PTPRS: variants seen among roughly 807,000 people sequenced by gnomAD.
PTPRS encodes the protein receptor-type tyrosine-protein phosphatase S.
In PTPRS, 63 loss-of-function variants were observed where a neutral mutation model predicts 215.3. The ratio of observed to expected loss-of-function variants is 0.29; its 90% CI spans 0.24 to 0.36. The LOEUF (loss-of-function observed/expected upper bound fraction) is 0.36. PTPRS is among the 10% of genes least tolerant of loss of function. The pLI is 1.00. For synonymous variants in PTPRS, 1,404 were observed against 1,191.4 expected (o/e 1.18, Z -3.68); for missense variants, 2,258 against 2,825.8 (o/e 0.80, Z 4.56).
At chr19:5,230,918 A>T (rs932791201) in intron 14 of PTPRS, among the ~76,000 whole-genome samples, 1 of 152,158 alleles carries the variant, frequency 6.6e-6, no homozygotes, top group Non-Finnish European at 1.5e-5. Flanking sequence ...ACACCATGGA[A>T]ATTGGCCAAT....
intron 4 of PTPRS, among the ~76,000 whole-genome samples, chr19:5,269,049 C>T (rs1024310141): frequency 1.3e-5 from 2 of 152,170 alleles, no homozygotes; most frequent in African/African-American, 2.4e-5. Context: ...GGGCCTCACT[C>T]AATTGGTCTT....
At chr19:5,334,400 C>A (rs2159090) in intron 1 of PTPRS, among the ~76,000 whole-genome samples, 1,825 of 152,356 alleles carry the variant, frequency 0.012, 33 homozygotes, top group African/African-American at 0.042. Flanking sequence ...TGTGCTTACA[C>A]ACGTTAACTC....
chr19:5,336,812 G>T (rs917248570), intron 1 of PTPRS, among the ~76,000 whole-genome samples: 4 of 151,972 alleles, frequency 2.6e-5, no homozygotes, highest in Non-Finnish European at 5.9e-5. Context: ...CGGGTGGTGG[G>T]GGGGAGGGTC....
chr19:5,218,572 C>T, intron 24 of PTPRS, 40 bp from the exon 25 acceptor site: 3 of 1,593,676 alleles, frequency 1.9e-6, no homozygotes, highest in Non-Finnish European at 2.6e-6. Flanking sequence ...TTAGTAGTGG[C>T]ACATGTTCAT....
Position 5,222,760 on chromosome 19 carries a change from C to T in PTPRS, c.3032G>A (p.Arg1011Gln), listed in dbSNP as rs1392874652. The T allele has an allele frequency of 1.6e-5, 25 of 1,598,880 alleles. No individual in the cohort carries two copies. The highest frequency in any genetic ancestry group is 6.7e-5 in the East Asian group (3 of 44,736). The change falls in exon 18 of 38, where the codon CGA (arginine) becomes CAA (glutamine). Residue 1011 changes from arginine (R) to glutamine (Q), a missense_variant. Arg to Gln is a conservative substitution (Grantham distance 43). Coordinates refer to ENST00000262963, the MANE Select transcript of PTPRS (RefSeq NM_002850.4). ...KPDTAYDLQV[R>Q]AHTRRGPGPF... ...GCCAGGGCCCCGGCGCGTGTGGGCTCGCACTTGGAGGTCATAGGCCGTGTC... is the reference window on the plus strand; with the variant it reads ...GCCAGGGCCCCGGCGCGTGTGGGCTTGCACTTGGAGGTCATAGGCCGTGTC...
intron 14 of PTPRS, among the ~76,000 whole-genome samples, chr19:5,230,280 C>A (rs1389203111): frequency 6.6e-6 from 1 of 152,202 alleles, no homozygotes; most frequent in East Asian, 1.9e-4. Flanking sequence ...GAAAACGAAT[C>A]AGGTTCCCAG....
Position 5,216,717 on chromosome 19 carries a change from A to G in PTPRS, c.4096+3T>C, listed in dbSNP as rs759420132. On this transcript the variant is annotated splice_donor_region_variant and intron_variant, in intron 26 of 37. Transcript: ENST00000262963. The stretch of plus-strand genomic sequence containing the variant: ...GAAGCCAAAAACAGACACAAGAACT[A>G]ACTTTCAAAGTGAAACCCCGGCTCC... 3.5e-5 allele frequency: 55 copies of G among 1,563,322 alleles called. No individual in the cohort carries two copies. The highest frequency in any genetic ancestry group is 4.7e-5 in the Non-Finnish European group (54 of 1,150,126).
chr19:5,309,187 A>T (rs972866793), intron 1 of PTPRS, among the ~76,000 whole-genome samples: 9 of 152,056 alleles, frequency 5.9e-5, no homozygotes, highest in Non-Finnish European at 8.8e-5. Context: ...TGGTGAGCAG[A>T]GTGTGCAGGC....
At chr19:5,215,727 C>A (rs1034001768) in intron 26 of PTPRS, 132 bp from the exon 27 acceptor site, 8 of 682,584 alleles carry the variant, frequency 1.2e-5, no homozygotes, top group Non-Finnish European at 2.0e-5. Flanking sequence ...CGGGGTGGGG[C>A]TTGGCAGGAG....
rs538765384 is a variant in PTPRS at position 5,225,730 on chromosome 19, C to T, written c.2491G>A (p.Ala831Thr). The T allele has an allele frequency of 6.2e-7, 1 of 1,613,780 alleles. No homozygotes were observed. The highest frequency in any genetic ancestry group is 1.3e-5 in the African/African-American group (1 of 75,034). The change falls in exon 17 of 38, where the codon GCA becomes ACA. Residue 831 changes from alanine to threonine, a missense_variant. Ala to Thr is a moderately conservative substitution (Grantham distance 58). Transcript: ENST00000262963. ...GGGAGGAGGGCGGGTTGCATACCTGCTCCCTTGGTCACAACCACCTTGGGT... is the reference window on the plus strand; with the variant it reads ...GGGAGGAGGGCGGGTTGCATACCTGTTCCCTTGGTCACAACCACCTTGGGT... The part of the protein sequence containing the change: ...SKPKVVVTKG[A>T]VLGRPTLSVQ...
rs967628470 is a variant in PTPRS at position 5,274,462 on chromosome 19, A to G, written c.92-118T>C. 5.7e-6 allele frequency: 7 copies of G among 1,218,902 alleles called. No homozygotes were observed. In the African/African-American group the frequency reaches 1.1e-4, roughly 19 times the overall value. The allele number at this position is 1,218,902 out of a possible 1,614,324, so 75.5% of individuals were successfully genotyped here. ...TGCCCACGGAAGTGCCATGTGGCCAATGAAGAGAGGAGGAGGAAAGCAAGG... is the reference window on the plus strand; with the variant it reads ...TGCCCACGGAAGTGCCATGTGGCCAGTGAAGAGAGGAGGAGGAAAGCAAGG... On this transcript the variant is annotated intron_variant, in intron 2 of 37. Coordinates refer to ENST00000262963, the MANE Select transcript of PTPRS (RefSeq NM_002850.4).
rs563087393 is a variant in PTPRS at position 5,285,425 on chromosome 19, C to T, written c.91+625G>A. Among the ~76,000 whole-genome samples, 24 of 152,340 alleles carry T rather than the reference C, an allele frequency of 1.6e-4. 3 individuals are homozygous for T. The highest frequency in any genetic ancestry group is 6.5e-4 in the Admixed American group (10 of 15,300). On this transcript the variant is annotated intron_variant, in intron 2 of 37. Coordinates refer to ENST00000262963, the MANE Select transcript of PTPRS (RefSeq NM_002850.4). ...TTCCTTGCCCATCTCTAAACTATAC[C>T]AACCTCTTTCATCTGCAGGCCTTCC...
chr19:5,252,438 G>A (rs1003116543), intron 9 of PTPRS, among the ~76,000 whole-genome samples: 2 of 151,908 alleles, frequency 1.3e-5, no homozygotes, highest in African/African-American at 4.8e-5. Flanking sequence ...TTATCTGAGC[G>A]TGGTGCCAGG....
chr19:5,212,473 G>A lies in PTPRS; in HGVS notation c.4633C>T (p.Arg1545Cys), dbSNP rs757568361. ...SLHKNGSSEK[R>C]EVRQFQFTAW... ...GTAAACTGGAACTGGCGGACCTCGC[G>A]TTTCTCACTGGAGCCATTCTGGGGA... Residue 1545 changes from arginine (R) to cysteine (C), a missense_variant, in exon 31 of 38, where the codon CGC becomes TGC. Transcript: ENST00000262963. 9.4e-6 allele frequency: 15 copies of A among 1,592,646 alleles called. No homozygotes were observed. The highest frequency in any genetic ancestry group is 8.6e-6 in the Non-Finnish European group (10 of 1,169,510).
rs1039179101 is a variant in PTPRS, at chr19:5,339,774, C to CG, written c.-95+889dup. Among the ~76,000 whole-genome samples the CG allele has an allele frequency of 7.3e-5, 11 of 151,656 alleles. No homozygotes were observed. Among genetic ancestry groups the CG allele is most frequent in the Non-Finnish European group, 1.6e-4 (11 of 67,816 alleles). On this transcript the variant is annotated intron_variant, in intron 1 of 37. Transcript: ENST00000262963. The surrounding 1 kb of genome is among the most constrained non-coding windows in gnomAD (Gnocchi z 4.2). ...TCACCTCCCCTCCCCCCGCAGCCCC[C>CG]GGGGGCTCCCGGGGCGTGCGGAACC... is the stretch of plus-strand genomic sequence containing the variant.
At chr19:5,251,867 G>GT (rs1489309099) in intron 9 of PTPRS, among the ~76,000 whole-genome samples, 11 of 152,118 alleles carry the variant, frequency 7.2e-5, no homozygotes, top group Non-Finnish European at 1.5e-4. Flanking sequence ...GCCAGGTATA[G>GT]TAAGCACAAA....
At chr19:5,251,987 TA>T (rs1240688718) in intron 9 of PTPRS, among the ~76,000 whole-genome samples, 1 of 45,530 alleles carries the variant, frequency 2.2e-5, no homozygotes, top group Non-Finnish European at 4.3e-5. Flanking sequence ...GGCCAAGAGG[TA>T]AGGGGAACAC....
chr19:5,305,218 A>G (rs560870045), intron 1 of PTPRS, among the ~76,000 whole-genome samples: 1 of 152,136 alleles, frequency 6.6e-6, no homozygotes, highest in East Asian at 1.9e-4. Flanking sequence ...GGCTTTTCCC[A>G]CCATCCAGGC....
intron 25 of PTPRS, 110 bp from the exon 26 acceptor site, chr19:5,216,877 G>T: frequency 3.0e-6 from 2 of 670,144 alleles, no homozygotes; most frequent in African/African-American, 2.1e-5. Context: ...GCAGAGCAAC[G>T]CGGACAACGG....
Sources: allele counts gnomAD v4.1 joint callset (sites outside exome capture counted in the v4.1 genomes callset), GRCh38; gene constraint gnomAD v4.1.1; non-coding constraint Gnocchi (gnomAD v3.1); transcripts MANE v1.5; gene names NCBI Gene and HGNC (gene_info 2026-07-23, HGNC 2026-07-21).